The following KCNMB1 variants were observed in gnomAD, a reference collection of about 807,000 sequenced individuals.
KCNMB1 encodes the protein calcium-activated potassium channel subunit beta-1.
Under a neutral mutation model 21.7 loss-of-function variants are expected in KCNMB1, and 22 were observed. The ratio of observed to expected loss-of-function variants is 1.01; its 90% CI spans 0.72 to 1.45. KCNMB1 has a LOEUF of 1.45. Among genes scored for constraint, KCNMB1 ranks in the 40% most tolerant of loss-of-function variants. The probability of loss-of-function intolerance (pLI) is 0.00; values close to 1 mark genes in which losing one functional copy is unlikely to be tolerated. For synonymous variants in KCNMB1, 114 were observed against 107.6 expected, an observed-to-expected ratio of 1.06 and a Z score of -0.37; for missense variants, 243 against 243.4, an observed-to-expected ratio of 1.00 and a Z score of 0.01.
In KCNMB1 at chr5:170,378,730, G is replaced by C. The variant is rs1268160016; in HGVS notation, c.550C>G (p.Leu184Val). 1.2e-6 allele frequency: 2 copies of C among 1,613,758 alleles called. No individual in the cohort carries two copies. The highest frequency in any genetic ancestry group is 1.7e-6 in the Non-Finnish European group (2 of 1,179,858). The change falls in exon 4 of 4, where the codon CTG (leucine) becomes GTG (valine). Residue 184 changes from leucine to valine, a missense_variant. Physicochemically the swap from Leu to Val is conservative, Grantham distance 32 (BLOSUM62 1). Coordinates refer to ENST00000274629, the MANE Select transcript of KCNMB1 (RefSeq NM_004137.4). ...IIAMVKSNQY[L>V]SILAAQK ...TACTTCTGGGCCGCCAGGATGGACA[G>C]GTACTGGTTGCTCTTCACCATGGCG...
intron 3 of KCNMB1, among the ~76,000 whole-genome samples, chr5:170,382,226 A>G (rs952082607): frequency 1.3e-5 from 2 of 152,154 alleles, no homozygotes; most frequent in African/African-American, 4.8e-5. Flanking sequence ...AAAGATTCCC[A>G]TTGCCAACAG....
chr5:170,385,478 C>T lies in KCNMB1; in HGVS notation c.-24-7G>A, dbSNP rs745779920. ...CTGGGGGCAGTGATCATTTCTAGGTCCACAGAAGCAAACAGAAGTGAGATC... is the reference window on the plus strand; with the variant it reads ...CTGGGGGCAGTGATCATTTCTAGGTTCACAGAAGCAAACAGAAGTGAGATC... On this transcript the variant is annotated splice_polypyrimidine_tract_variant and splice_region_variant and intron_variant, in intron 1 of 3. Coordinates refer to ENST00000274629, the MANE Select transcript of KCNMB1 (RefSeq NM_004137.4). The T allele has an allele frequency of 1.4e-5, 23 of 1,613,632 alleles. No individual in the cohort carries two copies. The African/African-American group carries it at 2.8e-4, about 20-fold the overall frequency.
rs1430943582 is a variant in KCNMB1, at chr5:170,378,310, C to T, written c.*394G>A. 1.1e-5 allele frequency: 2 copies of T among 177,922 alleles called. No individual in the cohort carries two copies. The highest frequency in any genetic ancestry group is 6.0e-5 in the Admixed American group (1 of 16,736). 11.0% of individuals were successfully genotyped at this position (177,922 alleles called of 1,614,324 possible). On this transcript the variant is annotated 3_prime_UTR_variant, in exon 4 of 4. Coordinates refer to ENST00000274629, the MANE Select transcript of KCNMB1 (RefSeq NM_004137.4). Reference sequence around the variant, plus strand: ...AGAATTCAAACAAAGAAGGGAGGCTCGCTGGGGACAGCTTCTGGGGGAGGA... The same window carrying T: ...AGAATTCAAACAAAGAAGGGAGGCTTGCTGGGGACAGCTTCTGGGGGAGGA...
intron 3 of KCNMB1, among the ~76,000 whole-genome samples, chr5:170,380,625 G>T (rs950009645): frequency 1.2e-4 from 18 of 152,226 alleles, no homozygotes; most frequent in African/African-American, 4.1e-4. Flanking sequence ...TGAGGCTGGG[G>T]AGACGCTGGC....
At chr5:170,383,456 T>G in intron 3 of KCNMB1, 1 of 620,000 alleles carries the variant, frequency 1.6e-6, no homozygotes, top group Non-Finnish European at 2.9e-6. Flanking sequence ...GGTGAGAGGC[T>G]AAGTGGCCTG....
chr5:170,374,714 C>T lies in KCNMB1; in HGVS notation c.*3990G>A, dbSNP rs1763939581. The T allele has an allele frequency of 2.0e-5, 3 of 152,182 alleles. No homozygotes were observed. The highest frequency in any genetic ancestry group is 4.1e-4 in the South Asian group (2 of 4,832). 9.4% of individuals were successfully genotyped at this position (152,182 alleles called of 1,614,324 possible). A position where few individuals can be genotyped will look rare whatever the true frequency, so the allele number is the denominator to read the frequency against. On this transcript the variant is annotated 3_prime_UTR_variant, in exon 4 of 4. Coordinates refer to ENST00000274629, the MANE Select transcript of KCNMB1 (RefSeq NM_004137.4). ...ATTAAGAACTGATGAAGGTTCTCTG[C>T]TCCCAGGCAGATATTATTGCAAAAA...
In KCNMB1 at chr5:170,377,891, G is replaced by A. The variant is rs1437055922; in HGVS notation, c.*813C>T. The A allele has an allele frequency of 3.3e-5, 5 of 152,082 alleles. No individual in the cohort carries two copies. Among genetic ancestry groups the A allele is most frequent in the Non-Finnish European group, 5.9e-5 (4 of 68,034 alleles). The allele number at this position is 152,082 out of a possible 1,614,324, so 9.4% of individuals were successfully genotyped here. On this transcript the variant is annotated 3_prime_UTR_variant, in exon 4 of 4. Coordinates refer to ENST00000274629, the MANE Select transcript of KCNMB1 (RefSeq NM_004137.4). ...CCGGCCCAGAGGGGTTTTTAAGATT[G>A]TGTGTTCTGAATGGCCTGTCTCTGA...
chr5:170,386,696 T>G (rs1462029064), intron 1 of KCNMB1, among the ~76,000 whole-genome samples: 1 of 151,690 alleles, frequency 6.6e-6, no homozygotes, highest in African/African-American at 2.4e-5. Flanking sequence ...GTTTTTTTTT[T>G]TTGTAAGGAA....
At chr5:170,383,570 T>G (rs1192272655) in intron 3 of KCNMB1, 109 bp downstream of exon 3, 12 of 1,224,788 alleles carry the variant, frequency 9.8e-6, no homozygotes, top group Non-Finnish European at 1.4e-5. Context: ...CTGTGAGACC[T>G]GGTCAAGTGG....
At chr5:170,385,548 G>A in intron 1 of KCNMB1, 77 bp from the exon 2 acceptor site, 2 of 1,318,256 alleles carry the variant, frequency 1.5e-6, no homozygotes, top group Non-Finnish European at 2.2e-6. Flanking sequence ...ACAGGTGAGA[G>A]GGGAAGGTAC....
chr5:170,383,336 C>A (rs1005174053), intron 3 of KCNMB1: 25 of 567,848 alleles, frequency 4.4e-5, no homozygotes, highest in Non-Finnish European at 2.5e-5. Flanking sequence ...TGAGTGCCCA[C>A]TATCCACTCA....
chr5:170,381,937 G>A (rs1764258537), intron 3 of KCNMB1, among the ~76,000 whole-genome samples: 2 of 152,272 alleles, frequency 1.3e-5, no homozygotes, highest in South Asian at 4.1e-4. Flanking sequence ...AGTCATACTA[G>A]CGATGACAGA....
In KCNMB1 at chr5:170,376,144, CTT is replaced by C. The variant is rs995060904; in HGVS notation, c.*2558_*2559del. 2 of 128,020 alleles carry C rather than the reference CTT, an allele frequency of 1.6e-5. No homozygotes were observed. Among genetic ancestry groups the C allele is most frequent in the African/African-American group, 2.8e-5 (1 of 35,202 alleles). The allele number at this position is 128,020 out of a possible 1,614,324, so 7.9% of individuals were successfully genotyped here. A position where few individuals can be genotyped will look rare whatever the true frequency, so the allele number is the denominator to read the frequency against. The stretch of plus-strand genomic sequence containing the variant: ...TCTGGAAGTTTCTGAGTATTCATGA[CTT>C]ATTCTTTTTTTTTTTTTTTTTTTTT... On this transcript the variant is annotated 3_prime_UTR_variant, in exon 4 of 4. Transcript: ENST00000274629.
intron 1 of KCNMB1, among the ~76,000 whole-genome samples, chr5:170,388,519 A>G (rs1764579184): frequency 6.6e-6 from 1 of 152,242 alleles, no homozygotes; most frequent in African/African-American, 2.4e-5. Flanking sequence ...ATATCTTCCC[A>G]TTTAGAAAGG....
rs1192466218 is a variant in KCNMB1, at chr5:170,377,374, C to A, written c.*1330G>T. 1 of 152,198 alleles carries A rather than the reference C, an allele frequency of 6.6e-6. No homozygotes were observed. Among genetic ancestry groups the A allele is most frequent in the Admixed American group, 6.5e-5 (1 of 15,284 alleles). 9.4% of individuals were successfully genotyped at this position (152,198 alleles called of 1,614,324 possible). On this transcript the variant is annotated 3_prime_UTR_variant, in exon 4 of 4. Coordinates refer to ENST00000274629, the MANE Select transcript of KCNMB1 (RefSeq NM_004137.4). ...ATCCTGATGCTGCTGGCCCAGGGAC[C>A]ACACTTGGACAGTCATCGTTCTAGG...
Position 170,378,839 on chromosome 5 carries a change from T to G in KCNMB1, c.441A>C (p.Leu147=). 6.2e-7 allele frequency: 1 copy of G among 1,614,206 alleles called. No homozygotes were observed. The part of the protein sequence containing the change: ...SAPRGNETSV[L]FQRLYGPQAL... ...CCTGGGGCCCGTAGAGGCGCTGGAA[T>G]AGGACGCTGGTTTCGTTCCCCCGAG... Residue 147 remains leucine (L), a synonymous_variant, in exon 4 of 4, where the codon CTA becomes CTC. Coordinates refer to ENST00000274629, the MANE Select transcript of KCNMB1 (RefSeq NM_004137.4).
chr5:170,387,405 C>T, intron 1 of KCNMB1, among the ~76,000 whole-genome samples: 1 of 152,164 alleles, frequency 6.6e-6, no homozygotes, highest in East Asian at 1.9e-4. Context: ...ATTCTTGACT[C>T]CCTCCCCTTA....
In KCNMB1 at chr5:170,377,322, T is replaced by C. The variant is rs527242955; in HGVS notation, c.*1382A>G. The C allele has an allele frequency of 5.3e-5, 8 of 152,140 alleles. No homozygotes were observed. Among genetic ancestry groups the C allele is most frequent in the African/African-American group, 1.9e-4 (8 of 41,468 alleles). 9.4% of individuals were successfully genotyped at this position (152,140 alleles called of 1,614,324 possible). The stretch of plus-strand genomic sequence containing the variant: ...TGGGGCTGGGACAGGGGCCTGAGAG[T>C]GTGCATTTCTCACAAGCTGCCACAG... On this transcript the variant is annotated 3_prime_UTR_variant, in exon 4 of 4. Coordinates refer to ENST00000274629, the MANE Select transcript of KCNMB1 (RefSeq NM_004137.4).
rs910722597 is a variant in KCNMB1 at position 170,389,361 on chromosome 5, T to G, written c.-127A>C. 4 of 151,814 alleles carry G rather than the reference T, an allele frequency of 2.6e-5. No homozygotes were observed. The highest frequency in any genetic ancestry group is 9.7e-5 in the African/African-American group (4 of 41,226). The allele number at this position is 151,814 out of a possible 1,614,324, so 9.4% of individuals were successfully genotyped here. A position where few individuals can be genotyped will look rare whatever the true frequency, so the allele number is the denominator to read the frequency against. On this transcript the variant is annotated 5_prime_UTR_variant, in exon 1 of 4. Coordinates refer to ENST00000274629, the MANE Select transcript of KCNMB1 (RefSeq NM_004137.4). Reference sequence around the variant, plus strand: ...GGCCACAGAGCTTCAGCAGGAAGTTTGGCCTCCCCGCCCGTCTCCAGGGAA... The same window carrying G: ...GGCCACAGAGCTTCAGCAGGAAGTTGGGCCTCCCCGCCCGTCTCCAGGGAA...
Sources: allele counts gnomAD v4.1 joint callset (sites outside exome capture counted in the v4.1 genomes callset), GRCh38; gene constraint gnomAD v4.1.1; transcripts MANE v1.5; gene names NCBI Gene and HGNC (gene_info 2026-07-23, HGNC 2026-07-21).